Variants in ACMSD observed in about 807,000 individuals in gnomAD.
The protein encoded by ACMSD is aminocarboxymuconate semialdehyde decarboxylase.
Under a neutral mutation model 45.9 loss-of-function variants are expected in ACMSD, and 37 were observed. The observed-to-expected ratio is 0.81, with a 90% CI of 0.62 to 1.06. The LOEUF (loss-of-function observed/expected upper bound fraction) is 1.06, where lower values mean the gene tolerates loss of function less well. Among genes scored for constraint, ACMSD ranks in the 50% least tolerant of loss-of-function variants. The pLI is 0.00. For missense variants in ACMSD, 434 were observed against 420.9 expected, an observed-to-expected ratio of 1.03 and a Z score of -0.27; for synonymous variants, 138 against 148.8, an observed-to-expected ratio of 0.93 and a Z score of 0.53.
chr2:134,859,407 C>T, intron 3 of ACMSD, 50 bp downstream of exon 3: 1 of 1,568,870 alleles, frequency 6.4e-7, no homozygotes, highest in South Asian at 1.1e-5. Flanking sequence ...AAAGCAATGT[C>T]TGCCCTTAAA....
intron 1 of ACMSD, among the ~76,000 whole-genome samples, chr2:134,840,473 T>C (rs1257227077): frequency 6.6e-6 from 1 of 152,108 alleles, no homozygotes; most frequent in Non-Finnish European, 1.5e-5. Context: ...CACAAGGCAA[T>C]GGTATTAGGA....
At chr2:134,848,218 T>G (rs1687172839) in intron 2 of ACMSD, among the ~76,000 whole-genome samples, 1 of 152,220 alleles carries the variant, frequency 6.6e-6, no homozygotes, top group South Asian at 2.1e-4. Flanking sequence ...TTTGCTATTG[T>G]GAATAGTGCT....
intron 7 of ACMSD, 104 bp downstream of exon 7, chr2:134,871,164 C>A: frequency 9.5e-7 from 1 of 1,050,136 alleles, no homozygotes; most frequent in Non-Finnish European, 1.4e-6. Context: ...GTCCTGGAGG[C>A]TAGAAGTCCA....
chr2:134,900,257 C>T (rs373889684), intron 9 of ACMSD, among the ~76,000 whole-genome samples: 3 of 152,160 alleles, frequency 2.0e-5, no homozygotes, highest in Non-Finnish European at 2.9e-5. Context: ...AAATTACATG[C>T]CATTCTGAGT....
intron 1 of ACMSD, among the ~76,000 whole-genome samples, chr2:134,839,249 T>C (rs751134471): frequency 6.6e-6 from 1 of 152,226 alleles, no homozygotes; most frequent in Non-Finnish European, 1.5e-5. Context: ...CCTTTACTGT[T>C]TGATGTTCTT....
Position 134,863,641 on chromosome 2 carries a change from G to T in ACMSD, c.486+10G>T, listed in dbSNP as rs774566936. 2.9e-5 allele frequency: 46 copies of T among 1,612,382 alleles called. No individual in the cohort carries two copies. Among genetic ancestry groups the T allele is most frequent in the South Asian group, 2.2e-5 (2 of 91,010 alleles). On this transcript the variant is annotated intron_variant, in intron 5 of 9. Transcript: ENST00000356140. ...CTTTCCTGTCTATGCGGTGAGTAGC[G>T]GGGCTGCTCAGCCAACGCCAGCCGC...
intron 9 of ACMSD, among the ~76,000 whole-genome samples, chr2:134,900,350 C>G (rs1383823262): frequency 6.6e-6 from 1 of 152,250 alleles, no homozygotes; most frequent in East Asian, 1.9e-4. Context: ...CATGCTGTAT[C>G]CACTCCCTCC....
intron 8 of ACMSD, among the ~76,000 whole-genome samples, chr2:134,881,200 C>T (rs1304730271): frequency 6.6e-6 from 1 of 152,194 alleles, no homozygotes; most frequent in African/African-American, 2.4e-5. Flanking sequence ...ATGGTTTCGC[C>T]ATGTTGGCCA....
intron 8 of ACMSD, among the ~76,000 whole-genome samples, chr2:134,875,000 G>C (rs1436067758): frequency 1.3e-5 from 2 of 152,064 alleles, no homozygotes; most frequent in East Asian, 1.9e-4. Flanking sequence ...CTGCCTTAGG[G>C]GATAACAGTT....
chr2:134,875,174 T>A (rs987677204), intron 8 of ACMSD, among the ~76,000 whole-genome samples: 1 of 152,154 alleles, frequency 6.6e-6, no homozygotes, highest in East Asian at 1.9e-4. Context: ...CTCTTTTTTT[T>A]ATTTTTTGTA....
chr2:134,873,823 G>A (rs1688592655), intron 8 of ACMSD, among the ~76,000 whole-genome samples: 2 of 152,170 alleles, frequency 1.3e-5, no homozygotes, highest in Admixed American at 6.5e-5. Context: ...GGAGAGTGAT[G>A]AGAAGGCATG....
chr2:134,847,722 T>C (rs1439989600), intron 2 of ACMSD, among the ~76,000 whole-genome samples: 1 of 152,178 alleles, frequency 6.6e-6, no homozygotes, highest in East Asian at 1.9e-4. Context: ...TGGTTTTCTG[T>C]TCCTGTGTTA....
intron 8 of ACMSD, among the ~76,000 whole-genome samples, chr2:134,889,277 G>A (rs1398336159): frequency 1.3e-5 from 2 of 152,140 alleles, no homozygotes; most frequent in Non-Finnish European, 2.9e-5. Context: ...ATATAGATAT[G>A]TGTGTGTGAG....
intron 1 of ACMSD, chr2:134,844,475 T>G (rs901978949): frequency 6.6e-6 from 1 of 152,288 alleles, no homozygotes; most frequent in Non-Finnish European, 1.5e-5. Flanking sequence ...GTGAAAGGTT[T>G]GTATTCCAGA....
chr2:134,892,941 A>T (rs2104953220), intron 8 of ACMSD, among the ~76,000 whole-genome samples: 1 of 152,298 alleles, frequency 6.6e-6, no homozygotes. Flanking sequence ...CAGAGCTTGA[A>T]GCTTAGGATG....
chr2:134,886,335 G>A (rs924609644), intron 8 of ACMSD, among the ~76,000 whole-genome samples: 5 of 141,432 alleles, frequency 3.5e-5, no homozygotes, highest in African/African-American at 1.3e-4. Flanking sequence ...TACAAGCTCC[G>A]CCTCCCGGGT....
At position 134,845,676 on chromosome 2, in the gene ACMSD, G is replaced by C. The variant is rs183367279; in HGVS notation, c.102+399G>C. Among the ~76,000 whole-genome samples the C allele has an allele frequency of 2.2e-3, 328 of 152,058 alleles. 2 individuals carry two copies. The highest frequency in any genetic ancestry group is 3.5e-3 in the Admixed American group (54 of 15,272). On this transcript the variant is annotated intron_variant, in intron 2 of 9. Coordinates refer to ENST00000356140, the MANE Select transcript of ACMSD (RefSeq NM_138326.3). ...GCTGACCAAATAAATGGGACAGTTA[G>C]GTTTGAGCACAAGCTGGAAAAATTG...
rs1248835655 is a variant in ACMSD at position 134,885,255 on chromosome 2, TA to T, written c.849+12616del. Among the ~76,000 whole-genome samples, 117 of 106,936 alleles carry T rather than the reference TA, an allele frequency of 1.1e-3. 1 individual carries two copies. The highest frequency in any genetic ancestry group is 7.2e-3 in the Admixed American group (49 of 6,842). 70.2% of individuals were successfully genotyped at this position (106,936 alleles called of 152,430 possible). A position where few individuals can be genotyped will look rare whatever the true frequency, so the allele number is the denominator to read the frequency against. ...ACATATGTAAATATATATTTATATA[TA>T]ATATATATATAAATATATATATTAT... On this transcript the variant is annotated intron_variant, in intron 8 of 9. Coordinates refer to ENST00000356140, the MANE Select transcript of ACMSD (RefSeq NM_138326.3).
rs114469335 is a variant in ACMSD at position 134,871,890 on chromosome 2, A to G, written c.677-579A>G. On this transcript the variant is annotated intron_variant, in intron 7 of 9. Coordinates refer to ENST00000356140, the MANE Select transcript of ACMSD (RefSeq NM_138326.3). Reference sequence around the variant, plus strand: ...AGCCCCCGACTGATAGGTTGTCTCAATATTTTGCTATTATAATCACACTAT... The same window carrying G: ...AGCCCCCGACTGATAGGTTGTCTCAGTATTTTGCTATTATAATCACACTAT... 2.5e-3 allele frequency among the ~76,000 whole-genome samples: 382 copies of G among 151,984 alleles called. 1 individual carries two copies. The highest frequency in any genetic ancestry group is 8.7e-3 in the African/African-American group (361 of 41,438).
Sources: gnomAD v4.1 joint callset for allele counts (sites outside exome capture counted in the v4.1 genomes callset) on GRCh38, gnomAD v4.1.1 for gene constraint, MANE v1.5 for transcripts, NCBI Gene and HGNC (gene_info 2026-07-23, HGNC 2026-07-21) for gene names.